Variants in RGS3 observed in about 807,000 individuals in gnomAD.
The protein encoded by RGS3 is regulator of G protein signaling 3.
A neutral mutation model predicts 132.6 loss-of-function variants in RGS3; 80 were observed. The observed-to-expected ratio is 0.60, with a 90% CI of 0.50 to 0.73. The LOEUF (loss-of-function observed/expected upper bound fraction) is 0.73, where lower values mean the gene tolerates loss of function less well. RGS3 is among the 30% of genes least tolerant of loss of function. The pLI is 0.00. For synonymous variants in RGS3, 598 were observed against 620.6 expected (o/e 0.96, Z 0.54); for missense variants, 1,382 against 1,530.8 (o/e 0.90, Z 1.62).
At chr9:113,552,945 C>G (rs911942697) in intron 19 of RGS3, among the ~76,000 whole-genome samples, 1 of 151,888 alleles carries the variant, frequency 6.6e-6, no homozygotes, top group African/African-American at 2.4e-5. Context: ...TATACATGCA[C>G]AAAACTTGTA....
At chr9:113,471,724 A>G (rs910440459) in intron 3 of RGS3, among the ~76,000 whole-genome samples, 6 of 151,690 alleles carry the variant, frequency 4.0e-5, no homozygotes, top group African/African-American at 1.2e-4. Flanking sequence ...CCGAGCAGGC[A>G]TTACTGGGGC....
Position 113,565,252 on chromosome 9 carries a change from C to T in RGS3, c.2038-18198C>T. On this transcript the variant is annotated intron_variant, in intron 19 of 24. Transcript: ENST00000350696. The surrounding 1 kb of genome is among the most constrained non-coding windows in gnomAD (Gnocchi z 5.7). ...CCCAGGACCCTCTTCTTTGAGACAT[C>T]CCGGACTCCATCTCGGATGAAAGTG... 1.6e-6 allele frequency: 2 copies of T among 1,288,202 alleles called. No homozygotes were observed. Among genetic ancestry groups the T allele is most frequent in the Non-Finnish European group, 2.0e-6 (2 of 987,866 alleles). The allele number at this position is 1,288,202 out of a possible 1,614,324, so 79.8% of individuals were successfully genotyped here.
At chr9:113,460,210 A>G (rs777931740), upstream of RGS3, 1 of 1,229,722 alleles carries the variant, frequency 8.1e-7, no homozygotes, top group Admixed American at 2.9e-5. Context: ...TTTCACCTTT[A>G]ACCTTATTTC....
intron 19 of RGS3, among the ~76,000 whole-genome samples, chr9:113,553,631 C>T (rs1046342336): frequency 6.6e-6 from 1 of 150,988 alleles, no homozygotes; most frequent in African/African-American, 2.4e-5. Context: ...CACCTGAGGT[C>T]AGGAGTTCGA....
At chr9:113,446,969 A>G (rs1338230277) in intron 1 of RGS3, among the ~76,000 whole-genome samples, 4 of 152,128 alleles carry the variant, frequency 2.6e-5, no homozygotes, top group African/African-American at 4.8e-5. Context: ...CCTTTAAAAA[A>G]TACAGGGAGG....
At chr9:113,466,473 C>G (rs1829647514) in intron 3 of RGS3, among the ~76,000 whole-genome samples, 1 of 152,202 alleles carries the variant, frequency 6.6e-6, no homozygotes, top group Non-Finnish European at 1.5e-5. Context: ...TGAACACAAC[C>G]CCTTGTCCCC....
Position 113,483,041 on chromosome 9 carries a change from G to A in RGS3, c.467-18G>A, listed in dbSNP as rs776569035. 1.2e-6 allele frequency: 2 copies of A among 1,614,066 alleles called. No homozygotes were observed. The highest frequency in any genetic ancestry group is 1.7e-6 in the Non-Finnish European group (2 of 1,179,964). On this transcript the variant is annotated intron_variant, in intron 4 of 24. Coordinates refer to ENST00000350696, the Ensembl canonical transcript of RGS3. ...TATGTTTCCATTCATCCACCCCAAT[G>A]TCTGAATTCTCTTTTAGTTATAGAA...
chr9:113,500,857 T>A (rs1410118358), intron 10 of RGS3, among the ~76,000 whole-genome samples: 1 of 151,800 alleles, frequency 6.6e-6, no homozygotes, highest in African/African-American at 2.4e-5. Flanking sequence ...CCAGCTAATT[T>A]TTGTATTTTT....
chr9:113,529,877 A>G (rs770110192), intron 18 of RGS3, among the ~76,000 whole-genome samples: 13 of 152,224 alleles, frequency 8.5e-5, no homozygotes, highest in Non-Finnish European at 1.9e-4. Flanking sequence ...GCTGAGCAAC[A>G]TCTGGCAAGT....
chr9:113,565,202 CG>C lies in RGS3; in HGVS notation c.2038-18244del. ...ACCCGGGAGCCAGCTGGGCCCCTCG[CG>C]GGGTGGGCAGAAGGACGGGCTGGCC... On this transcript the variant is annotated intron_variant, in intron 19 of 24. Coordinates refer to ENST00000350696, the Ensembl canonical transcript of RGS3. The surrounding 1 kb of genome is among the most constrained non-coding windows in gnomAD (Gnocchi z 5.7). The C allele has an allele frequency of 8.0e-7, 1 of 1,249,078 alleles. No individual in the cohort carries two copies. Among genetic ancestry groups the C allele is most frequent in the Non-Finnish European group, 1.0e-6 (1 of 967,972 alleles). 77.4% of individuals were successfully genotyped at this position (1,249,078 alleles called of 1,614,324 possible).
At chr9:113,531,743 C>T (rs1344802316) in intron 18 of RGS3, among the ~76,000 whole-genome samples, 1 of 152,138 alleles carries the variant, frequency 6.6e-6, no homozygotes, top group African/African-American at 2.4e-5. Context: ...TCTCTCCTCT[C>T]CCGAGACCTC....
At chr9:113,504,277 T>G (rs1294985657) in intron 10 of RGS3, among the ~76,000 whole-genome samples, 1 of 152,150 alleles carries the variant, frequency 6.6e-6, no homozygotes, top group Non-Finnish European at 1.5e-5. Context: ...CTGGCCTTTG[T>G]CTCAACTCAC....
intron 3 of RGS3, among the ~76,000 whole-genome samples, chr9:113,475,552 C>T (rs991369410): frequency 8.5e-5 from 13 of 152,062 alleles, no homozygotes; most frequent in African/African-American, 1.7e-4. Context: ...ACTACAGGCA[C>T]GCACCACGGT....
chr9:113,514,711 C>A, intron 15 of RGS3, 57 bp downstream of exon 13: 1 of 1,559,662 alleles, frequency 6.4e-7, no homozygotes, highest in Non-Finnish European at 8.8e-7. Context: ...AAGAGGAGGG[C>A]CCTTGCCCCA....
At chr9:113,460,200 T>C (rs1829443224), upstream of RGS3, 6 of 1,222,678 alleles carry the variant, frequency 4.9e-6, no homozygotes, top group Non-Finnish European at 6.3e-6. Context: ...TGAGGATAAA[T>C]TTCACCTTTA....
chr9:113,550,652 T>A (rs1295767108), intron 19 of RGS3, among the ~76,000 whole-genome samples: 1 of 152,224 alleles, frequency 6.6e-6, no homozygotes, highest in Non-Finnish European at 1.5e-5. Flanking sequence ...TAAGAAAATG[T>A]TTATTCCTCC....
chr9:113,547,602 C>T (rs1327609388), intron 19 of RGS3, among the ~76,000 whole-genome samples: 1 of 152,174 alleles, frequency 6.6e-6, no homozygotes, highest in East Asian at 1.9e-4. Flanking sequence ...TGTCAAGAAC[C>T]GCAATTACTT....
At chr9:113,458,514 C>A (rs954188221), upstream of RGS3, among the ~76,000 whole-genome samples, 3 of 152,132 alleles carry the variant, frequency 2.0e-5, no homozygotes, top group Non-Finnish European at 4.4e-5. Flanking sequence ...CATTTATATT[C>A]ATAAGTCAGA....
In RGS3 at chr9:113,586,227, C is replaced by T. The variant is rs543495669; in HGVS notation, c.3015+1800C>T. ...GGCTCATTCAGATCAGGCCTGGCCA[C>T]TCCTCTTTGGAGGGCGGTTGAGGCC... On this transcript the variant is annotated intron_variant, in intron 20 of 24. Transcript: ENST00000350696. 1.1e-4 allele frequency among the ~76,000 whole-genome samples: 16 copies of T among 152,370 alleles called. No individual in the cohort carries two copies. The South Asian group carries it at 2.7e-3, about 26-fold the overall frequency.
Sources: allele counts gnomAD v4.1 joint callset (sites outside exome capture counted in the v4.1 genomes callset), GRCh38; gene constraint gnomAD v4.1.1; non-coding constraint Gnocchi (gnomAD v3.1); transcripts MANE v1.5; gene names NCBI Gene and HGNC (gene_info 2026-07-23, HGNC 2026-07-21).